Variants in RNF185 observed in about 807,000 individuals in gnomAD.
The protein encoded by RNF185 is E3 ubiquitin-protein ligase RNF185.
In RNF185, 13 loss-of-function variants were observed where a neutral mutation model predicts 24.9. The observed-to-expected ratio is 0.52, with a 90% CI of 0.34 to 0.83. RNF185 has a LOEUF of 0.83. Among genes scored for constraint, RNF185 ranks in the 40% least tolerant of loss-of-function variants. The probability of loss-of-function intolerance (pLI) is 0.01; values close to 1 mark genes in which losing one functional copy is unlikely to be tolerated. For missense variants in RNF185, 184 were observed against 244.7 expected (o/e 0.75, Z 1.65); for synonymous variants, 79 against 90.3 (o/e 0.88, Z 0.71).
At position 31,206,347 on chromosome 22, in the gene RNF185, T is replaced by C. The variant is rs935465930; in HGVS notation, c.*1761T>C. ...AGCTTTATAGTGTGCCTGATAGATT[T>C]TAAACATTCCTGGGCACCCACTCAA... On this transcript the variant is annotated 3_prime_UTR_variant, in exon 7 of 7. Coordinates refer to ENST00000326132, the MANE Select transcript of RNF185 (RefSeq NM_152267.4). The C allele has an allele frequency of 6.6e-6, 1 of 152,556 alleles. No individual in the cohort carries two copies. Among genetic ancestry groups the C allele is most frequent in the Non-Finnish European group, 1.5e-5 (1 of 68,020 alleles). 9.5% of individuals were successfully genotyped at this position (152,556 alleles called of 1,614,324 possible). A position where few individuals can be genotyped will look rare whatever the true frequency, so the allele number is the denominator to read the frequency against.
chr22:31,197,549 A>G (rs1413023929), intron 5 of RNF185, among the ~76,000 whole-genome samples: 2 of 152,090 alleles, frequency 1.3e-5, no homozygotes, highest in Non-Finnish European at 2.9e-5. Context: ...ATTTGTGAGC[A>G]TGTTCATTAT....
chr22:31,163,465 C>T (rs1923705765), intron 1 of RNF185, among the ~76,000 whole-genome samples: 1 of 151,652 alleles, frequency 6.6e-6, no homozygotes, highest in Non-Finnish European at 1.5e-5. Context: ...GTAGTTGGGA[C>T]TACGGGCACA....
intron 1 of RNF185, among the ~76,000 whole-genome samples, chr22:31,164,845 C>G (rs12627805): frequency 0.095 from 14,391 of 152,052 alleles, 982 homozygotes; most frequent in East Asian, 0.4. Context: ...CTCGGCCTCC[C>G]AAAGTTCTGG....
chr22:31,162,672 G>T (rs929105121), intron 1 of RNF185, among the ~76,000 whole-genome samples: 2 of 150,606 alleles, frequency 1.3e-5, no homozygotes, highest in African/African-American at 2.4e-5. Context: ...CTAGAGTGGG[G>T]ATCTGCATAC....
chr22:31,173,461 C>T (rs1347847863), intron 1 of RNF185, among the ~76,000 whole-genome samples: 1 of 129,712 alleles, frequency 7.7e-6, no homozygotes, highest in Non-Finnish European at 1.7e-5. Flanking sequence ...ATATCAGGTG[C>T]TCCTGAGGCA....
chr22:31,182,370 T>G (rs2048047277), intron 1 of RNF185, among the ~76,000 whole-genome samples: 1 of 152,068 alleles, frequency 6.6e-6, no homozygotes, highest in Non-Finnish European at 1.5e-5. Flanking sequence ...TCACTGCAAC[T>G]TCCGCCTCGC....
chr22:31,194,458 G>A (rs1042933908), intron 3 of RNF185, among the ~76,000 whole-genome samples: 4 of 152,052 alleles, frequency 2.6e-5, no homozygotes, highest in Admixed American at 6.5e-5. Flanking sequence ...GGCCGGGCGC[G>A]GTGGCTCATG....
intron 1 of RNF185, among the ~76,000 whole-genome samples, chr22:31,186,842 T>G (rs576724225): frequency 5.9e-5 from 9 of 152,298 alleles, no homozygotes; most frequent in African/African-American, 9.6e-5. Flanking sequence ...GTGTGATATA[T>G]TCTGGACCAT....
At chr22:31,194,288 A>C (rs1049915901) in intron 3 of RNF185, among the ~76,000 whole-genome samples, 1 of 152,202 alleles carries the variant, frequency 6.6e-6, no homozygotes, top group Non-Finnish European at 1.5e-5. Flanking sequence ...TGAATGCAAA[A>C]AATCAATGAA....
intron 2 of RNF185, 122 bp from the exon 3 acceptor site, chr22:31,192,562 C>A: frequency 1.2e-6 from 1 of 823,796 alleles, no homozygotes; most frequent in South Asian, 1.4e-5. Context: ...TAGTTTACTC[C>A]TGTTTTCTCA....
At chr22:31,195,652 C>T in intron 4 of RNF185, 71 bp downstream of exon 4, 1 of 934,648 alleles carries the variant, frequency 1.1e-6, no homozygotes, top group South Asian at 1.5e-5. Context: ...TCAGCATCCC[C>T]TAACCCCACC....
chr22:31,193,708 C>T (rs879429864), intron 3 of RNF185, among the ~76,000 whole-genome samples: 6 of 151,216 alleles, frequency 4.0e-5, no homozygotes, highest in Admixed American at 6.6e-5. Context: ...GCACGAGAAT[C>T]GCTTGAATCT....
intron 5 of RNF185, among the ~76,000 whole-genome samples, chr22:31,198,419 G>A (rs1319747549): frequency 1.2e-4 from 11 of 93,886 alleles, no homozygotes; most frequent in South Asian, 7.2e-4. Context: ...TTTTTTTTGA[G>A]ATGAAGTTTC....
At chr22:31,165,013 C>T (rs905628692) in intron 1 of RNF185, among the ~76,000 whole-genome samples, 6 of 152,094 alleles carry the variant, frequency 3.9e-5, no homozygotes, top group African/African-American at 1.2e-4. Flanking sequence ...CAGGTTCAAG[C>T]GATTCTCCTA....
intron 1 of RNF185, among the ~76,000 whole-genome samples, chr22:31,176,165 C>T (rs192304772): frequency 4.6e-5 from 7 of 152,164 alleles, no homozygotes; most frequent in South Asian, 4.2e-4. Flanking sequence ...GTCCACTGTC[C>T]GGAGACTACT....
At chr22:31,203,387 C>T (rs1029604145) in intron 6 of RNF185, among the ~76,000 whole-genome samples, 1 of 152,206 alleles carries the variant, frequency 6.6e-6, no homozygotes, top group Admixed American at 6.5e-5. Flanking sequence ...AAAAGGAAGG[C>T]AATCCCTGTG....
intron 1 of RNF185, among the ~76,000 whole-genome samples, chr22:31,180,523 C>CT (rs11419917): frequency 0.46 from 65,178 of 142,624 alleles, 15,922 homozygotes; most frequent in Non-Finnish European, 0.57. Context: ...TTGTTAAAGA[C>CT]TTTTTTTTTT....
chr22:31,198,098 C>T (rs1461270810), intron 5 of RNF185, among the ~76,000 whole-genome samples: 1 of 152,116 alleles, frequency 6.6e-6, no homozygotes, highest in African/African-American at 2.4e-5. Context: ...TTCTCATATC[C>T]TCATGTTCTC....
rs1450953156 is a variant in RNF185 at position 31,202,471 on chromosome 22, C to T, written c.481+856C>T. Among the ~76,000 whole-genome samples, 4 of 152,042 alleles carry T rather than the reference C, an allele frequency of 2.6e-5. No homozygotes were observed. The South Asian group carries it at 8.3e-4, about 32-fold the overall frequency. On this transcript the variant is annotated intron_variant, in intron 6 of 6. Transcript: ENST00000326132. ...ACTGGGTCATCCCAGTTATTCTCAT[C>T]CCCACCCTGGTCCTTGGTACACAGC...
Sources: allele counts gnomAD v4.1 joint callset (sites outside exome capture counted in the v4.1 genomes callset), GRCh38; gene constraint gnomAD v4.1.1; transcripts MANE v1.5; gene names NCBI Gene and HGNC (gene_info 2026-07-23, HGNC 2026-07-21).